Variants in APOBEC3G observed in about 807,000 individuals in gnomAD.
The protein encoded by APOBEC3G is apolipoprotein B mRNA editing enzyme catalytic subunit 3G, also known as DNA dC->dU-editing enzyme APOBEC-3G.
In APOBEC3G, 44 loss-of-function variants were observed where a neutral mutation model predicts 50.0. The ratio of observed to expected loss-of-function variants is 0.88; its 90% CI spans 0.69 to 1.13. APOBEC3G has a LOEUF of 1.13. APOBEC3G is among the 50% of genes most tolerant of loss of function. The pLI, the probability that APOBEC3G is intolerant of heterozygous loss-of-function variation, is 0.00. For synonymous variants in APOBEC3G, 156 were observed against 175.3 expected, an observed-to-expected ratio of 0.89 and a Z score of 0.87; for missense variants, 469 against 492.0, an observed-to-expected ratio of 0.95 and a Z score of 0.44.
At chr22:39,079,470 A>G (rs915133331) in intron 2 of APOBEC3G, 21 of 175,612 alleles carry the variant, frequency 1.2e-4, no homozygotes, top group Non-Finnish European at 2.4e-5. Flanking sequence ...GGTGCCCACC[A>G]CCACGCCCAG....
chr22:39,081,237 G>A lies in APOBEC3G; in HGVS notation c.466+10G>A, dbSNP rs777557487. 1 of 1,612,796 alleles carries A rather than the reference G, an allele frequency of 6.2e-7. No individual in the cohort carries two copies. The highest frequency in any genetic ancestry group is 2.2e-5 in the East Asian group (1 of 44,876). On this transcript the variant is annotated intron_variant, in intron 3 of 7. Transcript: ENST00000407997. ...ATCATGAATTATGACGGTGAGAAGT[G>A]GGAGGTTCAGGGGTGTGGGAGAGAC... is the stretch of plus-strand genomic sequence containing the variant.
At position 39,087,643 on chromosome 22, in the gene APOBEC3G, T is replaced by C; in HGVS notation, c.*222T>C. 1 of 925,194 alleles carries C rather than the reference T, an allele frequency of 1.1e-6. No individual in the cohort carries two copies. Among genetic ancestry groups the C allele is most frequent in the Non-Finnish European group, 1.6e-6 (1 of 632,974 alleles). 57.3% of individuals were successfully genotyped at this position (925,194 alleles called of 1,614,324 possible). On this transcript the variant is annotated 3_prime_UTR_variant, in exon 8 of 8. Coordinates refer to ENST00000407997, the MANE Select transcript of APOBEC3G (RefSeq NM_021822.4). ...TATTTCAAGAATAAAGTACTAAGAT[T>C]GTGCTCAATACACAGAAAAGTTTCA... is the stretch of plus-strand genomic sequence containing the variant.
intron 1 of APOBEC3G, among the ~76,000 whole-genome samples, chr22:39,077,781 AG>A (rs1292679900): frequency 6.6e-6 from 1 of 152,200 alleles, no homozygotes; most frequent in Non-Finnish European, 1.5e-5. Flanking sequence ...ATTTTCTGTA[AG>A]ATTTACTTTG....
intron 4 of APOBEC3G, 42 bp downstream of exon 4, chr22:39,081,627 C>T (rs1409038370): frequency 4.0e-6 from 6 of 1,511,868 alleles, no homozygotes; most frequent in Non-Finnish European, 4.6e-6. Context: ...CTCCTCTCAC[C>T]TCCTGCTCAT....
At chr22:39,081,708 C>T in intron 4 of APOBEC3G, 123 bp downstream of exon 4, 1 of 731,796 alleles carries the variant, frequency 1.4e-6, no homozygotes, top group Non-Finnish European at 2.3e-6. Flanking sequence ...TCCCTCCTGC[C>T]CCCTGCCTGC....
At chr22:39,087,173 C>A in intron 7 of APOBEC3G, 47 bp downstream of exon 7, 1 of 1,612,380 alleles carries the variant, frequency 6.2e-7, no homozygotes, top group Non-Finnish European at 8.5e-7. Flanking sequence ...CCTCCCCCTC[C>A]TCCCCTCTCC....
chr22:39,081,031 G>A lies in APOBEC3G; in HGVS notation c.270G>A (p.Trp90Ter). The change falls in exon 3 of 8, where the codon TGG becomes TGA. Residue 90 changes from tryptophan to a stop codon, truncating the protein, a stop_gained. Coordinates refer to ENST00000407997, the MANE Select transcript of APOBEC3G (RefSeq NM_021822.4). LOFTEE classifies it high-confidence loss of function. ...GTGACCAGGAGTATGAGGTCACCTG[G>A]TACATATCCTGGAGCCCCTGCACAA... ...LHRDQEYEVTWYISWSPCTKC... is the reference protein window; with the variant it reads ...LHRDQEYEVT 1 of 1,614,122 alleles carries A rather than the reference G, an allele frequency of 6.2e-7. No individual in the cohort carries two copies. Among genetic ancestry groups the A allele is most frequent in the East Asian group, 2.2e-5 (1 of 44,884 alleles).
At chr22:39,084,057 CT>C (rs1928593791) in intron 5 of APOBEC3G, among the ~76,000 whole-genome samples, 173 bp downstream of exon 5, 1 of 152,132 alleles carries the variant, frequency 6.6e-6, no homozygotes, top group African/African-American at 2.4e-5. Context: ...TTCAGTGACT[CT>C]CCAGGATTGG....
In APOBEC3G at chr22:39,078,968, C is replaced by G. The variant is rs1928299557; in HGVS notation, c.54C>G (p.Ser18=). The change falls in exon 2 of 8, where the codon TCC becomes TCG. Residue 18 remains serine, a synonymous_variant. Coordinates refer to ENST00000407997, the MANE Select transcript of APOBEC3G (RefSeq NM_021822.4). ...TVERMYRDTF[S]YNFYNRPILS... ...AGCGAATGTATCGAGACACATTCTC[C>G]TACAACTTTTATAATAGACCCATCC... 2 of 1,614,130 alleles carry G rather than the reference C, an allele frequency of 1.2e-6. No homozygotes were observed. Among genetic ancestry groups the G allele is most frequent in the Non-Finnish European group, 1.7e-6 (2 of 1,180,006 alleles).
chr22:39,078,043 T>C (rs1928238689), intron 1 of APOBEC3G, among the ~76,000 whole-genome samples: 1 of 152,218 alleles, frequency 6.6e-6, no homozygotes, highest in African/African-American at 2.4e-5. Context: ...GCGGATCGCC[T>C]GCGGTCAGGA....
chr22:39,087,188 C>A, intron 7 of APOBEC3G, 62 bp downstream of exon 7: 17 of 1,610,304 alleles, frequency 1.1e-5, no homozygotes, highest in Non-Finnish European at 1.4e-5. Context: ...CTCTCCCCTG[C>A]GCCGTGCCTT....
At chr22:39,087,192 G>C (rs6001422) in intron 7 of APOBEC3G, 66 bp downstream of exon 7, 1 of 1,606,866 alleles carries the variant, frequency 6.2e-7, no homozygotes, top group South Asian at 1.1e-5. Context: ...CCCCTGCGCC[G>C]TGCCTTCCCC....
At position 39,086,438 on chromosome 22, in the gene APOBEC3G, A is replaced by G. The variant is rs1300339249; in HGVS notation, c.895A>G (p.Ile299Val). 4 of 1,614,126 alleles carry G rather than the reference A, an allele frequency of 2.5e-6. No individual in the cohort carries two copies. The highest frequency in any genetic ancestry group is 2.2e-5 in the South Asian group (2 of 91,078). The change falls in exon 6 of 8, where the codon ATT becomes GTT. Residue 299 changes from isoleucine (I) to valine (V), a missense_variant. Coordinates refer to ENST00000407997, the MANE Select transcript of APOBEC3G (RefSeq NM_021822.4). ...FSCAQEMAKF[I>V]SKNKHVSLCI... The stretch of plus-strand genomic sequence containing the variant: ...CTGTGCCCAGGAAATGGCTAAATTC[A>G]TTTCAAAAAACAAACACGTGAGCCT...
intron 2 of APOBEC3G, chr22:39,080,712 T>C: frequency 3.6e-6 from 2 of 557,864 alleles, no homozygotes; most frequent in Non-Finnish European, 6.4e-6. Flanking sequence ...GCCTCATAGC[T>C]GCTTGTAGGT....
intron 5 of APOBEC3G, among the ~76,000 whole-genome samples, chr22:39,085,933 G>A (rs1329481556): frequency 3.3e-5 from 5 of 152,134 alleles, no homozygotes; most frequent in African/African-American, 1.2e-4. Context: ...GATAACTGGG[G>A]TTTGGTGCCC....
intron 1 of APOBEC3G, 61 bp from the exon 2 acceptor site, chr22:39,078,871 C>T: frequency 1.9e-6 from 3 of 1,596,290 alleles, no homozygotes; most frequent in Non-Finnish European, 2.6e-6. Context: ...TAGTGGACAT[C>T]AGCCCGGAGG....
rs565557291 is a variant in APOBEC3G, at chr22:39,081,497, G to T, written c.493G>T (p.Val165Leu). 3.1e-6 allele frequency: 5 copies of T among 1,614,146 alleles called. No homozygotes were observed. The East Asian group carries it at 6.7e-5, about 22-fold the overall frequency. ...DEFQHCWSKF[V>L]YSQRELFEPW... is the part of the protein sequence containing the mutation. ...ATTTCAGCACTGTTGGAGCAAGTTC[G>T]TGTACAGCCAAAGAGAGCTATTTGA... The change falls in exon 4 of 8, where the codon GTG (valine) becomes TTG (leucine). Residue 165 changes from valine to leucine, a missense_variant. Transcript: ENST00000407997.
At chr22:39,086,177 G>C (rs1928679833) in intron 5 of APOBEC3G, 102 bp from the exon 6 acceptor site, 1 of 1,314,444 alleles carries the variant, frequency 7.6e-7, no homozygotes, top group Admixed American at 2.4e-5. Flanking sequence ...GGTGGTGCAT[G>C]CCTGTAATCC....
chr22:39,084,323 C>G (rs1928605024), intron 5 of APOBEC3G, among the ~76,000 whole-genome samples: 1 of 152,154 alleles, frequency 6.6e-6, no homozygotes, highest in Admixed American at 6.5e-5. Flanking sequence ...GTCAGGAGAT[C>G]AAGACCATCC....
Sources: gnomAD v4.1 joint callset for allele counts (sites outside exome capture counted in the v4.1 genomes callset) on GRCh38, gnomAD v4.1.1 for gene constraint, MANE v1.5 for transcripts, NCBI Gene and HGNC (gene_info 2026-07-23, HGNC 2026-07-21) for gene names.